The following SLC39A10 variants were observed in gnomAD, a reference collection of about 807,000 sequenced individuals.
SLC39A10 encodes the protein zinc transporter ZIP10.
SLC39A10 carries 13 observed loss-of-function variants against 65.1 expected under a neutral mutation model. That is an observed-to-expected ratio of 0.20 (90% CI 0.13 to 0.32). The LOEUF (loss-of-function observed/expected upper bound fraction) is 0.32, where lower values mean the gene tolerates loss of function less well. Among genes scored for constraint, SLC39A10 ranks in the 10% least tolerant of loss-of-function variants. The probability of loss-of-function intolerance (pLI) is 1.00; values close to 1 mark genes in which losing one functional copy is unlikely to be tolerated. For missense variants in SLC39A10, 831 were observed against 1,018.4 expected (o/e 0.82, Z 2.50); for synonymous variants, 321 against 342.2 (o/e 0.94, Z 0.68).
At chr2:195,657,215 C>T (rs985794034), upstream of SLC39A10, 9 of 205,422 alleles carry the variant, frequency 4.4e-5, no homozygotes, top group Middle Eastern at 2.5e-3. Flanking sequence ...TTGGTGAATA[C>T]ACGATTTGGT....
intron 2 of SLC39A10, among the ~76,000 whole-genome samples, chr2:195,647,452 T>G (rs1235680858): frequency 6.6e-6 from 1 of 151,896 alleles, no homozygotes; most frequent in Non-Finnish European, 1.5e-5. Flanking sequence ...AACAAGATTG[T>G]GTGTTTCACT....
chr2:195,698,543 G>T lies in SLC39A10; in HGVS notation c.1217-8073G>T, dbSNP rs1574285724. On this transcript the variant is annotated intron_variant, in intron 3 of 9. Coordinates refer to ENST00000359634, the MANE Select transcript of SLC39A10 (RefSeq NM_020342.3). ...TGATCATGAGAGGATATTGAATTTT[G>T]TCATGTGCTTTTTCTGCTCATTGAG... is the stretch of plus-strand genomic sequence containing the variant. Among the ~76,000 whole-genome samples, 3 of 151,992 alleles carry T rather than the reference G, an allele frequency of 2.0e-5. No individual in the cohort carries two copies. In the South Asian group the frequency reaches 6.2e-4, roughly 32 times the overall value.
chr2:195,616,318 G>A (rs558502941), intron 2 of SLC39A10, among the ~76,000 whole-genome samples: 1 of 151,804 alleles, frequency 6.6e-6, no homozygotes, highest in South Asian at 2.1e-4. Context: ...TTGATTGATT[G>A]ATTTTTTGAG....
chr2:195,678,895 T>C (rs1185782173), intron 1 of SLC39A10, among the ~76,000 whole-genome samples: 2 of 152,218 alleles, frequency 1.3e-5, no homozygotes, highest in East Asian at 3.8e-4. Context: ...TAGAATAGTA[T>C]GAAATTAGTT....
At chr2:195,683,935 T>C in intron 3 of SLC39A10, 29 bp downstream of exon 3, 1 of 1,469,232 alleles carries the variant, frequency 6.8e-7, no homozygotes, top group Non-Finnish European at 9.4e-7. Flanking sequence ...TTTTTCTCCT[T>C]AAAATAGTAC....
intron 9 of SLC39A10, among the ~76,000 whole-genome samples, chr2:195,731,173 T>C (rs1692422105): frequency 6.6e-6 from 1 of 152,214 alleles, no homozygotes; most frequent in African/African-American, 2.4e-5. Flanking sequence ...TGCAAAGTTT[T>C]TCATCATCCT....
chr2:195,737,113 A>ATCTT lies in SLC39A10; in HGVS notation c.*2078_*2081dup, dbSNP rs993612497. 2.6e-5 allele frequency: 4 copies of ATCTT among 152,674 alleles called. No individual in the cohort carries two copies. The highest frequency in any genetic ancestry group is 7.2e-5 in the African/African-American group (3 of 41,576). The allele number at this position is 152,674 out of a possible 1,614,324, so 9.5% of individuals were successfully genotyped here. A position where few individuals can be genotyped will look rare whatever the true frequency, so the allele number is the denominator to read the frequency against. ...TTTATATTCTCTCAAAAATGGTATT[A>ATCTT]TCTTTCTTTATTTGCTAGATTCTTA... On this transcript the variant is annotated 3_prime_UTR_variant, in exon 10 of 10. Coordinates refer to ENST00000359634, the MANE Select transcript of SLC39A10 (RefSeq NM_020342.3).
At chr2:195,732,481 A>C (rs1490733729) in intron 9 of SLC39A10, among the ~76,000 whole-genome samples, 1 of 152,214 alleles carries the variant, frequency 6.6e-6, no homozygotes, top group South Asian at 2.1e-4. Context: ...TGGTTATGAC[A>C]AACAGTGTGG....
chr2:195,726,670 G>A (rs557962540), intron 8 of SLC39A10, among the ~76,000 whole-genome samples: 1 of 152,170 alleles, frequency 6.6e-6, no homozygotes, highest in African/African-American at 2.4e-5. Context: ...CAATGCTGCA[G>A]TGTTTAGTTT....
intron 1 of SLC39A10, among the ~76,000 whole-genome samples, chr2:195,675,877 C>T (rs1425241211): frequency 6.6e-6 from 1 of 152,046 alleles, no homozygotes; most frequent in African/African-American, 2.4e-5. Flanking sequence ...TATACTTCCA[C>T]CAGACGCATA....
At chr2:195,698,000 T>C (rs1311456164) in intron 3 of SLC39A10, among the ~76,000 whole-genome samples, 1 of 151,604 alleles carries the variant, frequency 6.6e-6, no homozygotes, top group Non-Finnish European at 1.5e-5. Flanking sequence ...TTTCATAATT[T>C]CCTTTTCAGA....
At chr2:195,653,729 G>A (rs544200061), upstream of SLC39A10, among the ~76,000 whole-genome samples, 2 of 152,334 alleles carry the variant, frequency 1.3e-5, no homozygotes, top group African/African-American at 4.8e-5. Flanking sequence ...CAGTTAGTTG[G>A]GAGGCTTAAA....
At position 195,708,671 on chromosome 2, in the gene SLC39A10, G is replaced by T; in HGVS notation, c.1402G>T (p.Asp468Tyr). ...HLLPHSQGGH[D>Y]HSHQHAHGHG... The stretch of plus-strand genomic sequence containing the variant: ...TTATTAATAGTCTCAGGGTGGACAT[G>T]ATCACAGTCACCAACATGCACATGG... Residue 468 changes from aspartate (D) to tyrosine (Y), a missense_variant, in exon 5 of 10, where the codon GAT becomes TAT. By Grantham distance (160) the Asp-to-Tyr change is radical. Transcript: ENST00000359634. 1 of 1,602,420 alleles carries T rather than the reference G, an allele frequency of 6.2e-7. No homozygotes were observed. Among genetic ancestry groups the T allele is most frequent in the Non-Finnish European group, 8.5e-7 (1 of 1,175,446 alleles).
intron 1 of SLC39A10, among the ~76,000 whole-genome samples, chr2:195,663,081 C>T (rs1045331539): frequency 2.6e-5 from 4 of 152,192 alleles, no homozygotes; most frequent in African/African-American, 7.2e-5. Context: ...CTGTTTGTAG[C>T]TACTTATGTA....
At chr2:195,618,042 T>G (rs1688264193) in intron 2 of SLC39A10, among the ~76,000 whole-genome samples, 1 of 126,886 alleles carries the variant, frequency 7.9e-6, no homozygotes, top group South Asian at 3.0e-4. Context: ...CCCGGCCTTG[T>G]CTCTATTTTA....
chr2:195,630,449 G>A (rs1688563776), intron 2 of SLC39A10, among the ~76,000 whole-genome samples: 1 of 152,182 alleles, frequency 6.6e-6, no homozygotes, highest in South Asian at 2.1e-4. Context: ...TGTGAATCCT[G>A]TCCTCTTGGT....
At chr2:195,701,267 TTTTGA>T (rs1045120492) in intron 3 of SLC39A10, among the ~76,000 whole-genome samples, 1 of 151,758 alleles carries the variant, frequency 6.6e-6, no homozygotes, top group African/African-American at 2.4e-5. Flanking sequence ...CAGAGTTTCT[TTTTGA>T]TTTATCTTTA....
chr2:195,625,738 G>A (rs1043498678), intron 2 of SLC39A10, among the ~76,000 whole-genome samples: 1 of 152,128 alleles, frequency 6.6e-6, no homozygotes, highest in East Asian at 1.9e-4. Flanking sequence ...TGTTCATTCC[G>A]GATTGCTCAG....
intron 3 of SLC39A10, among the ~76,000 whole-genome samples, chr2:195,690,033 T>C (rs1405898829): frequency 6.6e-6 from 1 of 151,574 alleles, no homozygotes; most frequent in Non-Finnish European, 1.5e-5. Flanking sequence ...AAAAATTAGC[T>C]GGATGTGGTG....
Sources: gnomAD v4.1 joint callset for allele counts (sites outside exome capture counted in the v4.1 genomes callset) on GRCh38, gnomAD v4.1.1 for gene constraint, MANE v1.5 for transcripts, NCBI Gene and HGNC (gene_info 2026-07-23, HGNC 2026-07-21) for gene names.